Variants in HS3ST5 observed in about 807,000 individuals in gnomAD.
The protein encoded by HS3ST5 is heparan sulfate-glucosamine 3-sulfotransferase 5, also known as heparan sulfate glucosamine 3-O-sulfotransferase 5.
A neutral mutation model predicts 25.4 loss-of-function variants in HS3ST5; 10 were observed. That is an observed-to-expected ratio of 0.39 (90% CI 0.24 to 0.67). The LOEUF is 0.67. HS3ST5 is among the 30% of genes least tolerant of loss of function. The pLI is 0.44. For missense variants in HS3ST5, 324 were observed against 420.7 expected, an observed-to-expected ratio of 0.77 and a Z score of 2.01; for synonymous variants, 170 against 162.4, an observed-to-expected ratio of 1.05 and a Z score of -0.36.
Position 114,058,129 on chromosome 6 carries a change from G to A in HS3ST5, c.169C>T (p.Pro57Ser), listed in dbSNP as rs865945361. The change falls in exon 5 of 5, where the codon CCA (proline) becomes TCA (serine). Residue 57 changes from proline (P) to serine (S), a missense_variant. Physicochemically the swap from Pro to Ser is moderately conservative, Grantham distance 74. This residue lies in a region of HS3ST5 where 121 missense variants were observed against 117.3 expected (regional missense o/e 1.03). Coordinates refer to ENST00000312719, the MANE Select transcript of HS3ST5 (RefSeq NM_153612.4). ...CGCTTAAACTGCAGGGCGCGAAGTG[G>A]GAATTCAGCCTGAGTGCGGGCTCCA... ...LGGARTQAEF[P>S]LRALQFKRGL... 1.9e-6 allele frequency: 3 copies of A among 1,613,734 alleles called. No homozygotes were observed. Among genetic ancestry groups the A allele is most frequent in the Non-Finnish European group, 2.5e-6 (3 of 1,179,728 alleles).
intron 3 of HS3ST5, among the ~76,000 whole-genome samples, chr6:114,076,717 G>A (rs1238526360): frequency 2.0e-5 from 3 of 152,164 alleles, no homozygotes; most frequent in Non-Finnish European, 4.4e-5. Flanking sequence ...AATTACGTAA[G>A]AGCACTGTAA....
At chr6:114,279,402 C>A (rs950947297) in intron 1 of HS3ST5, among the ~76,000 whole-genome samples, 1 of 151,988 alleles carries the variant, frequency 6.6e-6, no homozygotes, top group African/African-American at 2.4e-5. Flanking sequence ...AACTTTATAA[C>A]CTGTTCTTTC....
At chr6:114,285,239 A>T (rs2114754361) in intron 1 of HS3ST5, among the ~76,000 whole-genome samples, 1 of 151,982 alleles carries the variant, frequency 6.6e-6, no homozygotes, top group Admixed American at 6.5e-5. Context: ...GAGCTGAATG[A>T]TGAGAACACA....
chr6:114,073,124 A>T (rs1003778539), intron 3 of HS3ST5, among the ~76,000 whole-genome samples: 1 of 152,172 alleles, frequency 6.6e-6, no homozygotes, highest in Admixed American at 6.5e-5. Flanking sequence ...CCTTCCTTAC[A>T]CCTTATACAA....
At chr6:114,062,388 A>G (rs569566045) in intron 4 of HS3ST5, among the ~76,000 whole-genome samples, 2 of 152,348 alleles carry the variant, frequency 1.3e-5, no homozygotes, top group East Asian at 3.9e-4. Flanking sequence ...AGAAAGATAC[A>G]TAGATACATC....
rs1332891470 is a variant in HS3ST5 at position 114,286,596 on chromosome 6, CTTG to C, written c.-339+55596_-339+55598del. Among the ~76,000 whole-genome samples the C allele has an allele frequency of 2.0e-5, 3 of 151,746 alleles. No individual in the cohort carries two copies. The East Asian group carries it at 5.8e-4, about 29-fold the overall frequency. ...ATGTTTATGTTGTACCACAAAGAAC[CTTG>C]TTTTTCTTTCCAATTAAATGTATAA... On this transcript the variant is annotated intron_variant, in intron 1 of 4. Coordinates refer to ENST00000312719, the MANE Select transcript of HS3ST5 (RefSeq NM_153612.4).
intron 1 of HS3ST5, among the ~76,000 whole-genome samples, chr6:114,318,785 T>C (rs1324544267): frequency 6.6e-6 from 1 of 152,194 alleles, no homozygotes; most frequent in Non-Finnish European, 1.5e-5. Context: ...GCAGTTACCT[T>C]GTCAAGTTGT....
chr6:114,079,443 A>C (rs1774328307), intron 3 of HS3ST5, among the ~76,000 whole-genome samples: 1 of 152,224 alleles, frequency 6.6e-6, no homozygotes, highest in Non-Finnish European at 1.5e-5. Context: ...CATAAGAAGC[A>C]ACTCCTCATC....
chr6:114,319,897 T>C (rs1775893903), intron 1 of HS3ST5, among the ~76,000 whole-genome samples: 1 of 152,204 alleles, frequency 6.6e-6, no homozygotes, highest in South Asian at 2.1e-4. Context: ...ATTATCCCAA[T>C]TGGGCGTAGA....
intron 3 of HS3ST5, among the ~76,000 whole-genome samples, chr6:114,145,732 G>A (rs527713298): frequency 6.6e-6 from 1 of 152,314 alleles, no homozygotes; most frequent in East Asian, 1.9e-4. Flanking sequence ...TGCAGTGGGA[G>A]GCAGGGCTCG....
At chr6:114,193,641 T>A (rs1435689954) in intron 2 of HS3ST5, among the ~76,000 whole-genome samples, 1 of 152,150 alleles carries the variant, frequency 6.6e-6, no homozygotes, top group Admixed American at 6.5e-5. Flanking sequence ...AACTGTAGGG[T>A]TTTTAAGGGT....
chr6:114,306,671 T>C (rs1775312273), intron 1 of HS3ST5, among the ~76,000 whole-genome samples: 1 of 152,174 alleles, frequency 6.6e-6, no homozygotes, highest in African/African-American at 2.4e-5. Flanking sequence ...ACAGGTGTGG[T>C]TGCTATAAAA....
At chr6:114,312,430 A>T (rs1775568515) in intron 1 of HS3ST5, among the ~76,000 whole-genome samples, 1 of 152,142 alleles carries the variant, frequency 6.6e-6, no homozygotes, top group Non-Finnish European at 1.5e-5. Flanking sequence ...CCAAAATTAT[A>T]ACACTTTTAC....
Position 114,342,883 on chromosome 6 carries a change from GC to G in HS3ST5, c.-1028del. ...CTGGCGCTGTCACGGCCGCCGCCCG[GC>G]CCCCAGAGCGCCCGAGCCGGCAGCT... On this transcript the variant is annotated 5_prime_UTR_variant, in exon 1 of 5. Transcript: ENST00000312719. 1 of 152,832 alleles carries G rather than the reference GC, an allele frequency of 6.5e-6. No homozygotes were observed. Among genetic ancestry groups the G allele is most frequent in the Non-Finnish European group, 1.5e-5 (1 of 68,496 alleles). 9.5% of individuals were successfully genotyped at this position (152,832 alleles called of 1,614,324 possible).
chr6:114,182,142 G>A (rs950685836), intron 2 of HS3ST5, among the ~76,000 whole-genome samples: 7 of 151,988 alleles, frequency 4.6e-5, no homozygotes, highest in African/African-American at 1.7e-4. Context: ...TGGAAATATT[G>A]TAACAAGTTA....
intron 2 of HS3ST5, among the ~76,000 whole-genome samples, chr6:114,199,638 CCT>C (rs576395891): frequency 6.8e-4 from 104 of 152,182 alleles, no homozygotes; most frequent in African/African-American, 2.4e-3. Context: ...ACTTTTCTCC[CCT>C]CTTTTATTTT....
At chr6:114,338,453 C>T (rs1014518938) in intron 1 of HS3ST5, among the ~76,000 whole-genome samples, 1 of 151,722 alleles carries the variant, frequency 6.6e-6, no homozygotes, top group African/African-American at 2.4e-5. Context: ...ATGGACATAG[C>T]TTTCCTTCAT....
chr6:114,105,039 TA>T (rs1419350165), intron 3 of HS3ST5, among the ~76,000 whole-genome samples: 2 of 152,132 alleles, frequency 1.3e-5, no homozygotes, highest in African/African-American at 4.8e-5. Context: ...CAGTAAAGTG[TA>T]AACTACTCTC....
At chr6:114,248,191 A>G (rs936311642) in intron 1 of HS3ST5, among the ~76,000 whole-genome samples, 2 of 141,090 alleles carry the variant, frequency 1.4e-5, no homozygotes, top group Admixed American at 7.2e-5. Context: ...ACAGAGCGAG[A>G]TTCCATCTCA....
Sources: allele counts gnomAD v4.1 joint callset (sites outside exome capture counted in the v4.1 genomes callset), GRCh38; gene constraint gnomAD v4.1.1; regional missense constraint gnomAD v4.1.1; transcripts MANE v1.5; gene names NCBI Gene and HGNC (gene_info 2026-07-23, HGNC 2026-07-21).